Variants in MYH14 observed in about 807,000 individuals in gnomAD.
MYH14 encodes myosin heavy chain 14, also known as myosin-14.
A neutral mutation model predicts 255.5 loss-of-function variants in MYH14; 123 were observed. The ratio of observed to expected loss-of-function variants is 0.48; its 90% confidence interval spans 0.42 to 0.56. MYH14 has a LOEUF of 0.56. Among genes scored for constraint, MYH14 ranks in the 20% least tolerant of loss-of-function variants. MYH14 has a pLI of 0.00. For synonymous variants in MYH14, 1,095 were observed against 1,161.2 expected, an observed-to-expected ratio of 0.94 and a Z score of 1.16; for missense variants, 2,423 against 2,802.3, an observed-to-expected ratio of 0.86 and a Z score of 3.06.
At chr19:50,234,266 A>C (rs558315467) in intron 10 of MYH14, among the ~76,000 whole-genome samples, 6 of 152,298 alleles carry the variant, frequency 3.9e-5, no homozygotes, top group Admixed American at 6.5e-5. Context: ...TCAACCCGTA[A>C]CAAGTACGTA....
chr19:50,258,808 T>C (rs2034705071), intron 18 of MYH14: 1 of 256,966 alleles, frequency 3.9e-6, no homozygotes, highest in Non-Finnish European at 7.3e-6. Context: ...GACATCAGCT[T>C]CCCAGGAGGC....
chr19:50,268,338 G>A lies in MYH14; in HGVS notation c.3004G>A (p.Glu1002Lys), dbSNP rs1281831414. Reference protein sequence around the residue: ...EEECSRQMQTEKKRLQQHIQE... With the variant: ...EEECSRQMQTKKKRLQQHIQE... ...GGAGTGCAGCCGTCAAATGCAAACCGAGAAGAAGAGGCTGCAGCAGCACAT... is the reference window on the plus strand; with the variant it reads ...GGAGTGCAGCCGTCAAATGCAAACCAAGAAGAAGAGGCTGCAGCAGCACAT... The change falls in exon 24 of 43, where the codon GAG becomes AAG. Residue 1002 changes from glutamate (E) to lysine (K), a missense_variant. Around this residue, in one of 3 missense-constraint regions of MYH14, gnomAD observed 1,513 missense variants for 1,674.8 expected, o/e 0.90. Transcript: ENST00000642316. The A allele has an allele frequency of 3.2e-6, 5 of 1,584,122 alleles. No individual in the cohort carries two copies. The highest frequency in any genetic ancestry group is 2.3e-5 in the East Asian group (1 of 43,108).
At chr19:50,227,095 G>A (rs1009618896) in intron 8 of MYH14, 129 bp downstream of exon 8, 9 of 778,158 alleles carry the variant, frequency 1.2e-5, no homozygotes, top group African/African-American at 5.1e-5. Flanking sequence ...ATGCTCAGGC[G>A]GCATCTGCAT....
chr19:50,291,450 G>A (rs143557446), intron 36 of MYH14, among the ~76,000 whole-genome samples: 3 of 152,092 alleles, frequency 2.0e-5, no homozygotes, highest in South Asian at 2.1e-4. Context: ...ACAGGCGTGC[G>A]CCATAATTTT....
intron 1 of MYH14, among the ~76,000 whole-genome samples, chr19:50,206,069 C>T (rs1054991234): frequency 1.3e-5 from 2 of 152,276 alleles, no homozygotes; most frequent in East Asian, 3.9e-4. Context: ...GTAGGGCAGT[C>T]AGAGAGGCTC....
rs1264976677 is a variant in MYH14 at position 50,271,432 on chromosome 19, T to C, written c.3057T>C (p.Ala1019=). The C allele has an allele frequency of 5.0e-6, 8 of 1,605,648 alleles. No individual in the cohort carries two copies. Among genetic ancestry groups the C allele is most frequent in the Non-Finnish European group, 6.0e-6 (7 of 1,176,410 alleles). The part of the protein sequence containing the change: ...HIQELEAHLE[A]EEGARQKLQL... ...AGGAGCTAGAGGCCCACCTTGAGGC[T>C]GAGGAGGGTGCGCGGCAGAAGCTGC... is the stretch of plus-strand genomic sequence containing the variant. The change falls in exon 25 of 43, where the codon GCT becomes GCC. Residue 1019 remains alanine (A), a synonymous_variant. Transcript: ENST00000642316.
At chr19:50,253,252 G>A (rs2034468406) in intron 16 of MYH14, among the ~76,000 whole-genome samples, 1 of 152,094 alleles carries the variant, frequency 6.6e-6, no homozygotes, top group Admixed American at 6.6e-5. Flanking sequence ...AGACCAGCCT[G>A]GCCAACATGG....
intron 19 of MYH14, 28 bp downstream of exon 19, chr19:50,259,293 G>A (rs1486522895): frequency 1.9e-6 from 3 of 1,553,470 alleles, no homozygotes; most frequent in Non-Finnish European, 2.6e-6. Flanking sequence ...CCCAGGCCCG[G>A]CGGAGGGGCT....
At chr19:50,284,814 T>G (rs2035838986) in intron 33 of MYH14, 1 of 152,126 alleles carries the variant, frequency 6.6e-6, no homozygotes, top group African/African-American at 2.4e-5. Flanking sequence ...TGAATATAAA[T>G]ATCCAAGTAT....
chr19:50,290,293 G>C (rs573081024), intron 35 of MYH14, among the ~76,000 whole-genome samples: 1 of 151,882 alleles, frequency 6.6e-6, no homozygotes, highest in Admixed American at 6.6e-5. Flanking sequence ...GTCAGTCATC[G>C]CTCCCTCGCT....
At chr19:50,222,282 C>A (rs937671361) in intron 3 of MYH14, among the ~76,000 whole-genome samples, 2 of 151,924 alleles carry the variant, frequency 1.3e-5, no homozygotes, top group African/African-American at 2.4e-5. Context: ...AGATCGAGAC[C>A]ATCCTGGCTA....
chr19:50,290,741 G>C lies in MYH14; in HGVS notation c.4966-146G>C. The C allele has an allele frequency of 3.8e-6, 3 of 783,446 alleles. No homozygotes were observed. In the South Asian group the frequency reaches 5.7e-5, roughly 15 times the overall value. 48.5% of individuals were successfully genotyped at this position (783,446 alleles called of 1,614,324 possible). A position where few individuals can be genotyped will look rare whatever the true frequency, so the allele number is the denominator to read the frequency against. ...GAGCTGGGGCAGTAGGGATAGAGAG[G>C]AGACCAAGTAAAGAGAGTCAGGGAG... On this transcript the variant is annotated intron_variant, in intron 35 of 42. Transcript: ENST00000642316.
intron 19 of MYH14, among the ~76,000 whole-genome samples, chr19:50,259,862 G>T (rs1026240045): frequency 6.6e-6 from 1 of 151,970 alleles, no homozygotes; most frequent in African/African-American, 2.4e-5. Flanking sequence ...TGGGCAACAA[G>T]AGCAAAACTC....
chr19:50,298,331 T>C (rs1461858088), intron 39 of MYH14, among the ~76,000 whole-genome samples: 2 of 151,958 alleles, frequency 1.3e-5, no homozygotes, highest in Non-Finnish European at 2.9e-5. Context: ...CTGTTTACTC[T>C]AAAAGGGCTA....
chr19:50,205,827 C>T (rs1228114345), intron 1 of MYH14, among the ~76,000 whole-genome samples: 1 of 152,142 alleles, frequency 6.6e-6, no homozygotes, highest in Non-Finnish European at 1.5e-5. Flanking sequence ...GGGGCCTGAA[C>T]TCCTGGGTCT....
At position 50,244,312 on chromosome 19, in the gene MYH14, T is replaced by C. The variant is rs778802280; in HGVS notation, c.1185T>C (p.Asp395=). The change falls in exon 11 of 43, where the codon GAT becomes GAC. Residue 395 remains aspartate (D), a synonymous_variant. Coordinates refer to ENST00000642316, the MANE Select transcript of MYH14 (RefSeq NM_001145809.2). ...CCTTGAAGAGAGAACGGAACACCGA[T>C]CAAGCCACCATGCCTGACAACACAG... ...NIALKRERNT[D]QATMPDNTAA... 1 of 1,613,558 alleles carries C rather than the reference T, an allele frequency of 6.2e-7. No individual in the cohort carries two copies.
chr19:50,240,359 G>A (rs148126975), intron 10 of MYH14, among the ~76,000 whole-genome samples: 1 of 151,152 alleles, frequency 6.6e-6, no homozygotes, highest in Non-Finnish European at 1.5e-5. Context: ...TAGGAGAATC[G>A]CTTGAGCCGG....
chr19:50,272,628 A>G lies in MYH14; in HGVS notation c.3364A>G (p.Ser1122Gly), dbSNP rs777105092. The change falls in exon 27 of 43, where the codon AGC (serine) becomes GGC (glycine). Residue 1122 changes from serine to glycine, a missense_variant. By Grantham distance (56) the Ser-to-Gly change is moderately conservative. Transcript: ENST00000642316. ...GCTGAAGCGGAGGCTGGATGGGGAG[A>G]GCTCAGAGCTGCAGGAGCAGATGGT... ...EKLKRRLDGESSELQEQMVEQ... is the reference protein window; with the variant it reads ...EKLKRRLDGEGSELQEQMVEQ... 3 of 1,575,820 alleles carry G rather than the reference A, an allele frequency of 1.9e-6. No individual in the cohort carries two copies. Among genetic ancestry groups the G allele is most frequent in the Non-Finnish European group, 2.6e-6 (3 of 1,161,768 alleles).
At chr19:50,285,973 A>G (rs193080254) in intron 33 of MYH14, 3 of 152,296 alleles carry the variant, frequency 2.0e-5, no homozygotes, top group African/African-American at 7.2e-5. Context: ...TCCCTCCTCA[A>G]ATAACTGCCT....
Sources: gnomAD v4.1 joint callset for allele counts (sites outside exome capture counted in the v4.1 genomes callset) on GRCh38, gnomAD v4.1.1 for gene constraint, gnomAD v4.1.1 regional missense constraint, MANE v1.5 for transcripts, NCBI Gene and HGNC (gene_info 2026-07-23, HGNC 2026-07-21) for gene names.